THSD7A: variants seen among roughly 807,000 people sequenced by gnomAD.
The protein encoded by THSD7A is thrombospondin type 1 domain containing 7A.
A neutral mutation model predicts 231.3 loss-of-function variants in THSD7A; 96 were observed. The observed-to-expected ratio is 0.41, with a 90% CI of 0.35 to 0.49. THSD7A has a LOEUF of 0.49. Among genes scored for constraint, THSD7A ranks in the 20% least tolerant of loss-of-function variants. The pLI is 0.05. For missense variants in THSD7A, 2,290 were observed against 2,070.2 expected, an observed-to-expected ratio of 1.11 and a Z score of -2.06; for synonymous variants, 940 against 743.3, an observed-to-expected ratio of 1.26 and a Z score of -4.30.
At position 11,637,309 on chromosome 7, in the gene THSD7A, G is replaced by A. The variant is rs145472103; in HGVS notation, c.191-348C>T. 3.3e-5 allele frequency among the ~76,000 whole-genome samples: 5 copies of A among 152,222 alleles called. No homozygotes were observed. In the East Asian group the frequency reaches 5.8e-4, roughly 18 times the overall value. On this transcript the variant is annotated intron_variant, in intron 1 of 27. Coordinates refer to ENST00000423059, the MANE Select transcript of THSD7A (RefSeq NM_015204.3). The surrounding 1 kb of genome is among the most constrained non-coding windows in gnomAD (Gnocchi z 4.2). ...AGTCACAGTGAAAACTCATTACTCC[G>A]GCCTCACAATCATCAAATCCATTTC...
intron 11 of THSD7A, 132 bp from the exon 12 acceptor site, chr7:11,447,556 T>C (rs1785012880): frequency 1.4e-6 from 1 of 689,832 alleles, no homozygotes; most frequent in East Asian, 3.1e-5. Flanking sequence ...GTAGAAATCT[T>C]ATAGGAGTGT....
intron 19 of THSD7A, among the ~76,000 whole-genome samples, chr7:11,410,969 C>T (rs1374214247): frequency 6.6e-6 from 1 of 151,774 alleles, no homozygotes; most frequent in Non-Finnish European, 1.5e-5. Context: ...GCATTTCTTT[C>T]AGAATAGGCT....
chr7:11,501,293 A>T (rs115924641), intron 6 of THSD7A, among the ~76,000 whole-genome samples: 2 of 152,318 alleles, frequency 1.3e-5, no homozygotes, highest in East Asian at 1.9e-4. Context: ...GATAGACTAT[A>T]CAGAAATCTC....
At chr7:11,729,218 C>T (rs1283986538) in intron 1 of THSD7A, among the ~76,000 whole-genome samples, 2 of 151,664 alleles carry the variant, frequency 1.3e-5, no homozygotes, top group Non-Finnish European at 2.9e-5. Context: ...CAAAAACAAA[C>T]ATTTATATTG....
At chr7:11,820,820 T>G in intron 1 of THSD7A, 1 of 985,548 alleles carries the variant, frequency 1.0e-6, no homozygotes, top group Admixed American at 1.8e-5. Flanking sequence ...TCTCCGGTGC[T>G]TCTTCTGCTT....
At chr7:11,472,484 T>C (rs900094226) in intron 8 of THSD7A, among the ~76,000 whole-genome samples, 4 of 152,190 alleles carry the variant, frequency 2.6e-5, no homozygotes, top group African/African-American at 9.6e-5. Context: ...TAATATTTTC[T>C]TTTGAATTCA....
chr7:11,381,586 CA>C, intron 24 of THSD7A, among the ~76,000 whole-genome samples: 1 of 152,230 alleles, frequency 6.6e-6, no homozygotes, highest in Non-Finnish European at 1.5e-5. Context: ...GCAGCAGGGT[CA>C]AAACAGCAGC....
At chr7:11,501,684 G>A (rs1371833840) in intron 6 of THSD7A, among the ~76,000 whole-genome samples, 2 of 152,070 alleles carry the variant, frequency 1.3e-5, no homozygotes, top group African/African-American at 4.8e-5. Context: ...AAGTTAGGAA[G>A]AACTTAAATT....
rs535101913 is a variant in THSD7A at position 11,723,088 on chromosome 7, C to A, written c.191-86127G>T. 2.1e-3 allele frequency among the ~76,000 whole-genome samples: 312 copies of A among 152,034 alleles called. 1 individual carries two copies. Among genetic ancestry groups the A allele is most frequent in the African/African-American group, 7.2e-3 (297 of 41,496 alleles). Reference sequence around the variant, plus strand: ...ACATGGAACCAATCCAAATGTCCAACAATGACAGACTGGATTAAGAAATGT... The same window carrying A: ...ACATGGAACCAATCCAAATGTCCAAAAATGACAGACTGGATTAAGAAATGT... On this transcript the variant is annotated intron_variant, in intron 1 of 27. Transcript: ENST00000423059.
chr7:11,400,454 T>G (rs533008101), intron 23 of THSD7A, among the ~76,000 whole-genome samples: 9 of 151,686 alleles, frequency 5.9e-5, no homozygotes, highest in South Asian at 4.1e-4. Flanking sequence ...GGATAATGCT[T>G]TAGAGGTATG....
chr7:11,573,907 G>A (rs193237478), intron 4 of THSD7A, among the ~76,000 whole-genome samples: 290 of 152,246 alleles, frequency 1.9e-3, no homozygotes, highest in Non-Finnish European at 3.4e-3. Flanking sequence ...GTAGTTTTAG[G>A]AAATTTATAT....
chr7:11,482,039 A>G lies in THSD7A; in HGVS notation c.1823-57T>C, dbSNP rs1786448891. On this transcript the variant is annotated intron_variant, in intron 6 of 27. Coordinates refer to ENST00000423059, the MANE Select transcript of THSD7A (RefSeq NM_015204.3). ...TTGTTAAATTAATGTAAAATGAGCA[A>G]TTTAAACCAGATGGGCACCCAGATA... 6 of 1,505,498 alleles carry G rather than the reference A, an allele frequency of 4.0e-6. No homozygotes were observed. The Admixed American group carries it at 1.1e-4, about 27-fold the overall frequency. 93.3% of individuals were successfully genotyped at this position (1,505,498 alleles called of 1,614,324 possible).
intron 6 of THSD7A, among the ~76,000 whole-genome samples, chr7:11,515,046 A>G (rs1045108405): frequency 4.6e-5 from 7 of 152,166 alleles, no homozygotes; most frequent in African/African-American, 1.7e-4. Flanking sequence ...TAAGTGATAA[A>G]TGATTTTATG....
intron 4 of THSD7A, among the ~76,000 whole-genome samples, chr7:11,583,870 A>G (rs1343714312): frequency 6.6e-6 from 1 of 152,154 alleles, no homozygotes; most frequent in East Asian, 1.9e-4. Context: ...ATAAGTTTGA[A>G]ACTAAAACCA....
Position 11,613,965 on chromosome 7 carries a change from C to T in THSD7A, c.1023-20463G>A, listed in dbSNP as rs942701638. ...CAAATGAACAAAAGCAATACGATGA[C>T]CATAATGGAATTCTCTGGTCTTAAC... On this transcript the variant is annotated intron_variant, in intron 2 of 27. Transcript: ENST00000423059. Among the ~76,000 whole-genome samples, 3 of 152,078 alleles carry T rather than the reference C, an allele frequency of 2.0e-5. No individual in the cohort carries two copies. In the East Asian group the frequency reaches 5.8e-4, roughly 29 times the overall value.
intron 1 of THSD7A, among the ~76,000 whole-genome samples, chr7:11,728,134 G>A (rs1583231266): frequency 6.6e-6 from 1 of 151,868 alleles, no homozygotes; most frequent in East Asian, 1.9e-4. Context: ...TCTGCAAAAT[G>A]TTTTCCAGCT....
chr7:11,460,926 G>C (rs1785484372), intron 10 of THSD7A, among the ~76,000 whole-genome samples, 161 bp from the exon 11 acceptor site: 1 of 152,132 alleles, frequency 6.6e-6, no homozygotes, highest in South Asian at 2.1e-4. Flanking sequence ...CTAGGCTTTA[G>C]AAGAAGTAAC....
intron 19 of THSD7A, chr7:11,410,567 G>A (rs2115381247): frequency 6.6e-6 from 1 of 152,298 alleles, no homozygotes; most frequent in African/African-American, 2.4e-5. Context: ...AACATAAAGT[G>A]TAGCTTCATA....
intron 11 of THSD7A, among the ~76,000 whole-genome samples, chr7:11,453,853 C>T (rs2128296326): frequency 6.6e-6 from 1 of 152,068 alleles, no homozygotes; most frequent in South Asian, 2.1e-4. Flanking sequence ...AAAGAATAAA[C>T]AAAGCATCCA....
Sources: gnomAD v4.1 joint callset for allele counts (sites outside exome capture counted in the v4.1 genomes callset) on GRCh38, gnomAD v4.1.1 for gene constraint, Gnocchi (gnomAD v3.1) non-coding constraint, MANE v1.5 for transcripts, NCBI Gene and HGNC (gene_info 2026-07-23, HGNC 2026-07-21) for gene names.